Variants in ENTREP2 observed in about 807,000 individuals in gnomAD.
ENTREP2 encodes protein ENTREP2.
At chr15:29,309,960 C>G in the ENTREP2 span, among the ~76,000 whole-genome samples, 1 of 152,104 alleles carries the variant, frequency 6.6e-6, no homozygotes, top group Non-Finnish European at 1.5e-5. Flanking sequence ...AACACGGGGC[C>G]TGGGAGTAGA....
the ENTREP2 span, among the ~76,000 whole-genome samples, chr15:29,586,382 G>A: frequency 1.3e-5 from 2 of 152,284 alleles, no homozygotes; most frequent in East Asian, 1.9e-4. Flanking sequence ...AAATTGGATA[G>A]TGGTGATGGT....
At chr15:29,630,144 T>A in the ENTREP2 span, among the ~76,000 whole-genome samples, 3 of 152,140 alleles carry the variant, frequency 2.0e-5, no homozygotes, top group East Asian at 1.9e-4. Context: ...ATAAATAAAA[T>A]TTTTAAAAAG....
At chr15:29,491,512 A>G in the ENTREP2 span, among the ~76,000 whole-genome samples, 1 of 152,154 alleles carries the variant, frequency 6.6e-6, no homozygotes, top group African/African-American at 2.4e-5. Flanking sequence ...TTTAAGTTCC[A>G]ATCTGGTGAG....
the ENTREP2 span, among the ~76,000 whole-genome samples, chr15:29,446,742 G>A: frequency 6.6e-6 from 1 of 152,248 alleles, no homozygotes; most frequent in African/African-American, 2.4e-5. Flanking sequence ...AGGTCTCCCT[G>A]TGGAGACTCT....
the ENTREP2 span, among the ~76,000 whole-genome samples, chr15:29,662,765 G>A: frequency 6.6e-6 from 1 of 152,110 alleles, no homozygotes; most frequent in African/African-American, 2.4e-5. Flanking sequence ...GTGTTGCCCA[G>A]GCTGGAGTGC....
chr15:29,128,676 A>T, the ENTREP2 span: 1 of 820,962 alleles, frequency 1.2e-6, no homozygotes, highest in South Asian at 1.4e-5. Flanking sequence ...TAAGAAATGG[A>T]GGGAGGAGGA....
At chr15:29,394,551 T>C in the ENTREP2 span, among the ~76,000 whole-genome samples, 1 of 152,306 alleles carries the variant, frequency 6.6e-6, no homozygotes, top group South Asian at 2.1e-4. Flanking sequence ...AAAAAATTAT[T>C]TGTTTTTTAG....
At chr15:29,644,079 T>C in the ENTREP2 span, among the ~76,000 whole-genome samples, 290 of 152,232 alleles carry the variant, frequency 1.9e-3, 4 homozygotes, top group Middle Eastern at 0.054. Flanking sequence ...AAATGTGGTA[T>C]ACATTTTACT....
chr15:29,227,585 G>A, the ENTREP2 span, among the ~76,000 whole-genome samples: 3 of 152,110 alleles, frequency 2.0e-5, no homozygotes, highest in African/African-American at 7.2e-5. Context: ...GCACAGAACA[G>A]GGATGCCCAC....
chr15:29,470,418 C>T, the ENTREP2 span, among the ~76,000 whole-genome samples: 1 of 152,168 alleles, frequency 6.6e-6, no homozygotes, highest in African/African-American at 2.4e-5. Context: ...CTGCCAGCTC[C>T]CTTGCAAACT....
the ENTREP2 span, among the ~76,000 whole-genome samples, chr15:29,360,012 C>A: frequency 6.6e-6 from 1 of 152,084 alleles, no homozygotes; most frequent in Non-Finnish European, 1.5e-5. Flanking sequence ...TAACTAATAG[C>A]CTATAAGGTA....
chr15:29,474,754 C>T, the ENTREP2 span, among the ~76,000 whole-genome samples: 1 of 152,036 alleles, frequency 6.6e-6, no homozygotes, highest in Admixed American at 6.6e-5. Flanking sequence ...AGGGTTTCAC[C>T]ATGTTGGCCA....
At chr15:29,427,108 C>A in the ENTREP2 span, among the ~76,000 whole-genome samples, 1 of 152,152 alleles carries the variant, frequency 6.6e-6, no homozygotes, top group Non-Finnish European at 1.5e-5. Context: ...AGCAAACTAG[C>A]AATTTCTGCT....
the ENTREP2 span, among the ~76,000 whole-genome samples, chr15:29,449,995 T>C: frequency 1.3e-5 from 2 of 152,228 alleles, no homozygotes; most frequent in South Asian, 4.1e-4. Context: ...ATTTCTCTAA[T>C]GATAAGTGAT....
At chr15:29,532,934 A>G in the ENTREP2 span, among the ~76,000 whole-genome samples, 2 of 152,192 alleles carry the variant, frequency 1.3e-5, no homozygotes, top group East Asian at 1.9e-4. Context: ...CAACTATCCA[A>G]CTGAAACTCA....
At chr15:29,557,581 C>T in the ENTREP2 span, among the ~76,000 whole-genome samples, 1 of 152,140 alleles carries the variant, frequency 6.6e-6, no homozygotes, top group East Asian at 1.9e-4. Flanking sequence ...GGGTCCCCAT[C>T]GGAGACACGG....
the ENTREP2 span, among the ~76,000 whole-genome samples, chr15:29,542,057 G>A: frequency 6.6e-6 from 1 of 152,350 alleles, no homozygotes; most frequent in Non-Finnish European, 1.5e-5. Context: ...TTGCCAGACT[G>A]GAGGGCAGTG....
chr15:29,412,514 G>C, the ENTREP2 span, among the ~76,000 whole-genome samples: 6 of 151,928 alleles, frequency 3.9e-5, no homozygotes, highest in Admixed American at 3.9e-4. Flanking sequence ...TCCTCATTAA[G>C]AATAAAACAG....
chr15:29,182,992 G>C, the ENTREP2 span, among the ~76,000 whole-genome samples: 1 of 152,186 alleles, frequency 6.6e-6, no homozygotes, highest in Admixed American at 6.5e-5. Flanking sequence ...ACTGAGCTCA[G>C]TGTGAGAGGC....
Sources: gnomAD v4.1 joint callset for allele counts (sites outside exome capture counted in the v4.1 genomes callset) on GRCh38, gnomAD v4.1.1 for gene constraint, MANE v1.5 for transcripts, NCBI Gene and HGNC (gene_info 2026-07-23, HGNC 2026-07-21) for gene names.